CDH12: variants seen among roughly 807,000 people sequenced by gnomAD.
The protein encoded by CDH12 is cadherin-12.
A neutral mutation model predicts 74.1 loss-of-function variants in CDH12; 41 were observed. That is an observed-to-expected ratio of 0.55 (90% CI 0.43 to 0.72). The LOEUF (loss-of-function observed/expected upper bound fraction) is 0.72. Ranked by LOEUF, CDH12 falls within the 30% of genes least tolerant of loss-of-function variation. The pLI, the probability that CDH12 is intolerant of heterozygous loss-of-function variation, is 0.00. For missense variants in CDH12, 945 were observed against 977.2 expected, an observed-to-expected ratio of 0.97 and a Z score of 0.44; for synonymous variants, 399 against 355.0, an observed-to-expected ratio of 1.12 and a Z score of -1.39.
At chr5:22,164,648 G>A (rs12653170) in intron 4 of CDH12, among the ~76,000 whole-genome samples, 149,687 of 152,178 alleles carry the variant, frequency 0.98, 73,659 homozygotes, top group East Asian at 1. Flanking sequence ...GCTGGCTCCA[G>A]TGCCTGGGTT....
At chr5:22,208,156 C>G (rs10045216) in intron 4 of CDH12, among the ~76,000 whole-genome samples, 14,914 of 152,152 alleles carry the variant, frequency 0.098, 775 homozygotes, top group South Asian at 0.17. Flanking sequence ...CATTACTGCC[C>G]TATCCATTGT....
chr5:21,784,557 A>G (rs1021276565), intron 10 of CDH12, among the ~76,000 whole-genome samples: 1 of 152,156 alleles, frequency 6.6e-6, no homozygotes, highest in Non-Finnish European at 1.5e-5. Context: ...TTTTAAATAT[A>G]ACATTTTATG....
At chr5:22,558,520 C>A (rs1200266251) in intron 1 of CDH12, among the ~76,000 whole-genome samples, 6 of 152,062 alleles carry the variant, frequency 3.9e-5, no homozygotes. Flanking sequence ...CAGGGGACAA[C>A]CTCTGCTCAC....
chr5:22,658,178 T>A (rs1740154763), intron 1 of CDH12, among the ~76,000 whole-genome samples: 1 of 152,158 alleles, frequency 6.6e-6, no homozygotes, highest in Non-Finnish European at 1.5e-5. Flanking sequence ...TTTCCATGGC[T>A]ATCATAACAA....
At chr5:21,752,492 T>G (rs1744153835) in intron 14 of CDH12, among the ~76,000 whole-genome samples, 1 of 152,104 alleles carries the variant, frequency 6.6e-6, no homozygotes, top group Admixed American at 6.6e-5. Context: ...TAGGGTCTGG[T>G]AAAAGTGTGT....
At chr5:21,838,783 C>A (rs1749679267) in intron 8 of CDH12, among the ~76,000 whole-genome samples, 1 of 152,162 alleles carries the variant, frequency 6.6e-6, no homozygotes, top group African/African-American at 2.4e-5. Flanking sequence ...CCTAAGCATA[C>A]TCTAGCTTCT....
At chr5:22,622,970 T>C (rs1326744033) in intron 1 of CDH12, among the ~76,000 whole-genome samples, 4 of 152,082 alleles carry the variant, frequency 2.6e-5, no homozygotes, top group Non-Finnish European at 4.4e-5. Context: ...AGCTTATCCA[T>C]CATGATCAAG....
intron 6 of CDH12, among the ~76,000 whole-genome samples, chr5:21,956,263 T>G (rs1392481856): frequency 2.6e-5 from 4 of 151,906 alleles, no homozygotes; most frequent in African/African-American, 9.7e-5. Flanking sequence ...AGCATGGAGA[T>G]GTAAAAAATG....
chr5:22,813,645 C>T (rs1316219738), intron 1 of CDH12, among the ~76,000 whole-genome samples: 1 of 151,922 alleles, frequency 6.6e-6, no homozygotes, highest in Non-Finnish European at 1.5e-5. Context: ...TTACTCTCCC[C>T]TGTTGGCCTT....
chr5:22,818,661 C>T (rs1718902049), intron 1 of CDH12, among the ~76,000 whole-genome samples: 1 of 151,786 alleles, frequency 6.6e-6, no homozygotes, highest in African/African-American at 2.4e-5. Flanking sequence ...TTAAGCATGT[C>T]AATGATTTTA....
intron 4 of CDH12, among the ~76,000 whole-genome samples, chr5:22,127,734 T>C (rs1368853258): frequency 6.6e-6 from 1 of 152,174 alleles, no homozygotes; most frequent in Non-Finnish European, 1.5e-5. Context: ...ACTGGCACAA[T>C]TTAGAAGATT....
intron 2 of CDH12, among the ~76,000 whole-genome samples, chr5:22,467,396 T>C (rs1306835035): frequency 6.6e-6 from 1 of 152,192 alleles, no homozygotes; most frequent in Non-Finnish European, 1.5e-5. Flanking sequence ...CCACTTAATG[T>C]TCCTTCCAAT....
chr5:22,191,569 T>C (rs930875140), intron 4 of CDH12, among the ~76,000 whole-genome samples: 1 of 136,234 alleles, frequency 7.3e-6, no homozygotes, highest in African/African-American at 2.8e-5. Context: ...TATTTTTATT[T>C]TTTTTTTTTT....
At chr5:22,609,738 TA>T (rs1227586424) in intron 1 of CDH12, among the ~76,000 whole-genome samples, 2 of 152,170 alleles carry the variant, frequency 1.3e-5, no homozygotes, top group African/African-American at 2.4e-5. Context: ...ACTTCAACTC[TA>T]AAAAAACATG....
intron 3 of CDH12, among the ~76,000 whole-genome samples, chr5:22,263,851 CA>C (rs1753610929): frequency 1.3e-5 from 2 of 152,004 alleles, no homozygotes; most frequent in East Asian, 3.9e-4. Flanking sequence ...AAGTAATTGG[CA>C]AAAGGTGTCA....
chr5:21,966,269 CT>C (rs1488205629), intron 6 of CDH12, among the ~76,000 whole-genome samples: 4 of 149,422 alleles, frequency 2.7e-5, no homozygotes. Flanking sequence ...CTCTCTCAAA[CT>C]CAATCCACTA....
chr5:22,133,801 A>G (rs558215633), intron 4 of CDH12, among the ~76,000 whole-genome samples: 178 of 152,242 alleles, frequency 1.2e-3, no homozygotes, highest in Non-Finnish European at 1.9e-3. Flanking sequence ...CAGTTAAAGT[A>G]TGCTAGTCTT....
intron 12 of CDH12, among the ~76,000 whole-genome samples, 192 bp downstream of exon 12, chr5:21,764,786 C>T (rs575675675): frequency 1.2e-4 from 19 of 152,198 alleles, no homozygotes; most frequent in Middle Eastern, 3.4e-3. Context: ...TTCATCTGTG[C>T]GGTATCACCT....
At chr5:22,200,206 C>T (rs936304761) in intron 4 of CDH12, among the ~76,000 whole-genome samples, 11 of 151,998 alleles carry the variant, frequency 7.2e-5, no homozygotes, top group South Asian at 4.2e-4. Context: ...CAAAGTGTAT[C>T]TCTTCAGGAT....
Sources: allele counts gnomAD v4.1 joint callset (sites outside exome capture counted in the v4.1 genomes callset), GRCh38; gene constraint gnomAD v4.1.1; transcripts MANE v1.5; gene names NCBI Gene and HGNC (gene_info 2026-07-23, HGNC 2026-07-21).